The following KCNH7 variants were observed in gnomAD, a reference collection of about 807,000 sequenced individuals.
The protein encoded by KCNH7 is potassium voltage-gated channel subfamily H member 7.
A neutral mutation model predicts 120.8 loss-of-function variants in KCNH7; 49 were observed. That is an observed-to-expected ratio of 0.41 (90% CI 0.32 to 0.51). The LOEUF is 0.51. Ranked by LOEUF, KCNH7 falls within the 20% of genes least tolerant of loss-of-function variation. The pLI is 0.38. For missense variants in KCNH7, 1,097 were observed against 1,446.6 expected (o/e 0.76, Z 3.92); for synonymous variants, 547 against 516.1 (o/e 1.06, Z -0.81).
At chr2:162,412,088 A>C (rs962509391) in intron 9 of KCNH7, among the ~76,000 whole-genome samples, 1 of 152,014 alleles carries the variant, frequency 6.6e-6, no homozygotes, top group Non-Finnish European at 1.5e-5. Flanking sequence ...TTACAGAGAA[A>C]ACAAATTAAA....
chr2:162,591,655 A>G (rs1442002600), intron 2 of KCNH7, among the ~76,000 whole-genome samples: 4 of 152,222 alleles, frequency 2.6e-5, no homozygotes, highest in Non-Finnish European at 5.9e-5. Flanking sequence ...AAGTTTCATC[A>G]TGTTACTATG....
chr2:162,469,787 G>T (rs13406089), intron 6 of KCNH7, among the ~76,000 whole-genome samples: 3 of 151,330 alleles, frequency 2.0e-5, no homozygotes, highest in African/African-American at 7.3e-5. Context: ...CCGCCATCTC[G>T]GCTCACTGCA....
chr2:162,399,279 C>T (rs1412193633), intron 10 of KCNH7, among the ~76,000 whole-genome samples: 2 of 151,762 alleles, frequency 1.3e-5, no homozygotes, highest in Non-Finnish European at 2.9e-5. Flanking sequence ...TGCTCTTCCC[C>T]AGTGTCCTAA....
chr2:162,468,377 AAATGAAATTTGCT>A (rs1689377941), intron 6 of KCNH7, among the ~76,000 whole-genome samples: 1 of 152,200 alleles, frequency 6.6e-6, no homozygotes, highest in South Asian at 2.1e-4. Flanking sequence ...AAGAAAAAAC[AAATGAAATTTGCT>A]TATGATCTAA....
At chr2:162,768,037 TG>T (rs1682889788) in intron 2 of KCNH7, among the ~76,000 whole-genome samples, 1 of 152,172 alleles carries the variant, frequency 6.6e-6, no homozygotes, top group Admixed American at 6.5e-5. Context: ...AAGAGAAATA[TG>T]AAATAAATTG....
At chr2:162,481,406 C>T (rs1689925363) in intron 6 of KCNH7, among the ~76,000 whole-genome samples, 1 of 152,242 alleles carries the variant, frequency 6.6e-6, no homozygotes, top group Admixed American at 6.5e-5. Context: ...AGAACATTGT[C>T]AGTATTAAAT....
At chr2:162,824,120 C>A (rs910095781) in intron 2 of KCNH7, among the ~76,000 whole-genome samples, 3 of 152,004 alleles carry the variant, frequency 2.0e-5, no homozygotes, top group Admixed American at 6.5e-5. Context: ...AGATTAATAA[C>A]AAAAAGTATT....
chr2:162,668,807 A>G (rs996257117), intron 2 of KCNH7, among the ~76,000 whole-genome samples: 1 of 152,200 alleles, frequency 6.6e-6, no homozygotes, highest in East Asian at 1.9e-4. Context: ...AGACAACTAT[A>G]ATTATTTTGC....
chr2:162,545,086 A>G (rs1271533889), intron 2 of KCNH7, among the ~76,000 whole-genome samples: 1 of 152,138 alleles, frequency 6.6e-6, no homozygotes, highest in Non-Finnish European at 1.5e-5. Context: ...CAAGCTTTGA[A>G]CTGAGACCTG....
chr2:162,668,583 G>A (rs1008830212), intron 2 of KCNH7, among the ~76,000 whole-genome samples: 21 of 152,060 alleles, frequency 1.4e-4, no homozygotes, highest in South Asian at 6.2e-4. Flanking sequence ...AGGGCTTGAC[G>A]TATGCAGGAA....
intron 2 of KCNH7, among the ~76,000 whole-genome samples, chr2:162,702,565 G>A (rs886272028): frequency 6.6e-6 from 1 of 152,112 alleles, no homozygotes; most frequent in Non-Finnish European, 1.5e-5. Flanking sequence ...TATATTGTCT[G>A]TCAAATAGTG....
At chr2:162,526,692 C>G (rs1691717029) in intron 3 of KCNH7, among the ~76,000 whole-genome samples, 1 of 151,980 alleles carries the variant, frequency 6.6e-6, no homozygotes, top group Admixed American at 6.6e-5. Flanking sequence ...TTATCCTGTT[C>G]TTTCTTCAAG....
At chr2:162,618,390 C>T (rs1450235039) in intron 2 of KCNH7, among the ~76,000 whole-genome samples, 1 of 151,930 alleles carries the variant, frequency 6.6e-6, no homozygotes, top group Non-Finnish European at 1.5e-5. Context: ...CCTAAAGTAT[C>T]ATTAAATGAG....
chr2:162,821,641 T>G (rs1255177271), intron 2 of KCNH7, among the ~76,000 whole-genome samples: 1 of 152,216 alleles, frequency 6.6e-6, no homozygotes, highest in Non-Finnish European at 1.5e-5. Flanking sequence ...TCCTATCCCC[T>G]TGGTACAATT....
intron 2 of KCNH7, among the ~76,000 whole-genome samples, chr2:162,689,106 T>C (rs1686007528): frequency 6.6e-6 from 1 of 151,878 alleles, no homozygotes. Context: ...TACTAAAGGC[T>C]GAAGACAGTA....
intron 9 of KCNH7, among the ~76,000 whole-genome samples, chr2:162,409,800 G>A (rs531109774): frequency 6.6e-6 from 1 of 151,978 alleles, no homozygotes; most frequent in Non-Finnish European, 1.5e-5. Context: ...CCCAAGTTCA[G>A]AGACAAATTA....
chr2:162,810,505 G>A (rs1053588434), intron 2 of KCNH7, among the ~76,000 whole-genome samples: 1 of 152,062 alleles, frequency 6.6e-6, no homozygotes, highest in South Asian at 2.1e-4. Flanking sequence ...GTTTTATACT[G>A]CATTTGGTTT....
chr2:162,674,552 A>G (rs967157645), intron 2 of KCNH7, among the ~76,000 whole-genome samples: 3 of 151,766 alleles, frequency 2.0e-5, no homozygotes, highest in African/African-American at 7.2e-5. Flanking sequence ...ACTGATTTTA[A>G]AAAAGAATAA....
At chr2:162,715,448 G>A (rs1687083293) in intron 2 of KCNH7, among the ~76,000 whole-genome samples, 1 of 152,110 alleles carries the variant, frequency 6.6e-6, no homozygotes, top group African/African-American at 2.4e-5. Flanking sequence ...TTTGGGTGGG[G>A]ACAAATATCC....
Sources: allele counts gnomAD v4.1 joint callset (sites outside exome capture counted in the v4.1 genomes callset), GRCh38; gene constraint gnomAD v4.1.1; transcripts MANE v1.5; gene names NCBI Gene and HGNC (gene_info 2026-07-23, HGNC 2026-07-21).